HEATR1: variants seen among roughly 807,000 people sequenced by gnomAD.
HEATR1 encodes HEAT repeat containing 1.
A neutral mutation model predicts 248.2 loss-of-function variants in HEATR1; 77 were observed. That is an observed-to-expected ratio of 0.31 (90% confidence interval 0.26 to 0.37). The LOEUF (loss-of-function observed/expected upper bound fraction) is 0.37. HEATR1 is among the 10% of genes least tolerant of loss of function. HEATR1 has a pLI of 1.00. For missense variants in HEATR1, 2,420 were observed against 2,504.9 expected (o/e 0.97, Z 0.72); for synonymous variants, 897 against 923.1 (o/e 0.97, Z 0.51).
intron 20 of HEATR1, among the ~76,000 whole-genome samples, chr1:236,579,369 C>T (rs1040621356): frequency 5.9e-5 from 9 of 152,220 alleles, no homozygotes; most frequent in African/African-American, 2.2e-4. Flanking sequence ...TTGCTATTTA[C>T]AGTCAAAATG....
chr1:236,595,159 A>G (rs1558191948), intron 8 of HEATR1, among the ~76,000 whole-genome samples: 1 of 152,130 alleles, frequency 6.6e-6, no homozygotes, highest in Non-Finnish European at 1.5e-5. Flanking sequence ...TAGGGAAAAA[A>G]CTTTTTTGGC....
intron 6 of HEATR1, among the ~76,000 whole-genome samples, chr1:236,596,620 A>T (rs1288235480): frequency 6.6e-6 from 1 of 152,226 alleles, no homozygotes; most frequent in East Asian, 1.9e-4. Context: ...CCGCAGGACC[A>T]GACAGCCAAT....
At position 236,566,061 on chromosome 1, in the gene HEATR1, A is replaced by G. The variant is rs562030993; in HGVS notation, c.4309-16T>C. 3.1e-6 allele frequency: 5 copies of G among 1,609,042 alleles called. No homozygotes were observed. The South Asian group carries it at 4.4e-5, about 14-fold the overall frequency. Reference sequence around the variant, plus strand: ...AAATAGCATCCTGTGTAGAAAAAGAAAAAGGTAACAAATCTGTACTTAGGA... The same window carrying G: ...AAATAGCATCCTGTGTAGAAAAAGAGAAAGGTAACAAATCTGTACTTAGGA... On this transcript the variant is annotated splice_polypyrimidine_tract_variant and intron_variant, in intron 30 of 44. Transcript: ENST00000366582.
rs531433512 is a variant in HEATR1, at chr1:236,555,615, A to G, written c.5690T>C (p.Ile1897Thr). 7 of 1,614,260 alleles carry G rather than the reference A, an allele frequency of 4.3e-6. No homozygotes were observed. The highest frequency in any genetic ancestry group is 2.7e-5 in the African/African-American group (2 of 75,072). The change falls in exon 40 of 45, where the codon ATT (isoleucine) becomes ACT (threonine). Residue 1897 changes from isoleucine to threonine, a missense_variant. Physicochemically the swap from Ile to Thr is moderately conservative, Grantham distance 89 (BLOSUM62 -1). Coordinates refer to ENST00000366582, the MANE Select transcript of HEATR1 (RefSeq NM_018072.6). ...EEVGKTENCI[I>T]DCLVAMVVKL... ...GACAACCATGGCTACTAGACAGTCA[A>G]TGATACAATTTTCCGTTTTTCCAAC...
intron 26 of HEATR1, 125 bp from the exon 27 acceptor site, chr1:236,571,811 C>T (rs942687913): frequency 2.9e-6 from 2 of 689,378 alleles, no homozygotes; most frequent in Non-Finnish European, 5.1e-6. Context: ...AACTAAAATA[C>T]TATCATTAAA....
At chr1:236,586,692 G>A (rs913065890) in intron 14 of HEATR1, among the ~76,000 whole-genome samples, 3 of 151,664 alleles carry the variant, frequency 2.0e-5, no homozygotes, top group African/African-American at 7.3e-5. Flanking sequence ...GAGCCACTGT[G>A]CCTGGCCAAC....
chr1:236,595,777 C>A (rs1285867746), intron 7 of HEATR1, 56 bp downstream of exon 7: 1 of 1,517,010 alleles, frequency 6.6e-7, no homozygotes, highest in South Asian at 1.2e-5. Flanking sequence ...AAAAATTATT[C>A]AAAATAATTT....
Position 236,553,735 on chromosome 1 carries a change from T to C in HEATR1, c.6083A>G (p.Glu2028Gly). ...ALMMPLVDQL[E>G]NRLGGEEKFQ... Reference sequence around the variant, plus strand: ...TTTCTCTTCTCCCCCAAGCCTGTTTTCCAGCTAGGAAGAGTAAGACAAAGA... The same window carrying C: ...TTTCTCTTCTCCCCCAAGCCTGTTTCCCAGCTAGGAAGAGTAAGACAAAGA... Residue 2028 changes from glutamate to glycine, a missense_variant, in exon 43 of 45, where the codon GAA becomes GGA. Physicochemically the swap from Glu to Gly is moderately conservative, Grantham distance 98. Transcript: ENST00000366582. The C allele has an allele frequency of 1.2e-6, 2 of 1,612,162 alleles. No homozygotes were observed. Among genetic ancestry groups the C allele is most frequent in the Non-Finnish European group, 1.7e-6 (2 of 1,179,130 alleles).
chr1:236,574,033 T>G, intron 24 of HEATR1, 169 bp downstream of exon 24: 1 of 476,874 alleles, frequency 2.1e-6, no homozygotes, highest in Non-Finnish European at 3.6e-6. Context: ...TGGTAAAGAT[T>G]TAAAATTTTT....
In HEATR1 at chr1:236,555,472, G is replaced by A. The variant is rs767694146; in HGVS notation, c.5755-8C>T. 8.1e-6 allele frequency: 13 copies of A among 1,614,068 alleles called. No individual in the cohort carries two copies. In the South Asian group the frequency reaches 1.4e-4, roughly 18 times the overall value. On this transcript the variant is annotated splice_polypyrimidine_tract_variant and splice_region_variant and intron_variant, in intron 40 of 44. Coordinates refer to ENST00000366582, the MANE Select transcript of HEATR1 (RefSeq NM_018072.6). ...TTTAGCCCAATCAAACAGCTGAAAG[G>A]ATAAGACAGTATTAGTTTCTTCGAC...
At chr1:236,580,084 CTCTGA>C (rs1286299887) in intron 20 of HEATR1, among the ~76,000 whole-genome samples, 2 of 152,274 alleles carry the variant, frequency 1.3e-5, no homozygotes, top group Admixed American at 1.3e-4. Context: ...AACCATTCTT[CTCTGA>C]TCTAATTCTG....
chr1:236,586,216 C>A, intron 15 of HEATR1, 25 bp downstream of exon 15: 1 of 1,549,664 alleles, frequency 6.5e-7, no homozygotes, highest in Non-Finnish European at 8.8e-7. Context: ...TTCACTTTTT[C>A]TAAAAAAACA....
At chr1:236,582,675 T>C (rs1337630596) in intron 19 of HEATR1, 61 bp downstream of exon 19, 11 of 1,579,374 alleles carry the variant, frequency 7.0e-6, no homozygotes, top group Non-Finnish European at 9.6e-6. Context: ...AGTGCTGGGA[T>C]TGCAGGCCAG....
rs1663515727 is a variant in HEATR1, at chr1:236,574,569, T to C, written c.3327+92A>G. On this transcript the variant is annotated intron_variant, in intron 23 of 44. Transcript: ENST00000366582. Reference sequence around the variant, plus strand: ...GTAACTATCTTCTCCAAATAAAATATTAATCTTTTTTTTTTTAACGCTGTT... The same window carrying C: ...GTAACTATCTTCTCCAAATAAAATACTAATCTTTTTTTTTTTAACGCTGTT... The C allele has an allele frequency of 2.1e-6, 3 of 1,413,562 alleles. No individual in the cohort carries two copies. The Admixed American group carries it at 6.9e-5, about 32-fold the overall frequency. The allele number at this position is 1,413,562 out of a possible 1,614,324, so 87.6% of individuals were successfully genotyped here.
chr1:236,575,331 T>C (rs956771961), intron 22 of HEATR1, among the ~76,000 whole-genome samples: 4 of 152,214 alleles, frequency 2.6e-5, no homozygotes, highest in Admixed American at 2.6e-4. Context: ...CAGCAAATTA[T>C]GGCTTGCAGG....
chr1:236,587,873 C>T, intron 13 of HEATR1, 75 bp downstream of exon 13: 1 of 1,025,062 alleles, frequency 9.8e-7, no homozygotes, highest in Non-Finnish European at 1.5e-6. Context: ...ATTCTAGTCT[C>T]AAGCAGAGAA....
Position 236,551,982 on chromosome 1 carries a change from A to G in HEATR1, c.6346+17T>C. 6.9e-7 allele frequency: 1 copy of G among 1,458,810 alleles called. No individual in the cohort carries two copies. Among genetic ancestry groups the G allele is most frequent in the Non-Finnish European group, 9.6e-7 (1 of 1,040,870 alleles). The allele number at this position is 1,458,810 out of a possible 1,614,324, so 90.4% of individuals were successfully genotyped here. A position where few individuals can be genotyped will look rare whatever the true frequency, so the allele number is the denominator to read the frequency against. On this transcript the variant is annotated intron_variant, in intron 44 of 44. Coordinates refer to ENST00000366582, the MANE Select transcript of HEATR1 (RefSeq NM_018072.6). ...ATTCCTTAATTGTTTAATGGTTGGG[A>G]ATAGTTTGGGAATTACCTTCCATCA...
chr1:236,571,882 C>A (rs188992467), intron 26 of HEATR1, among the ~76,000 whole-genome samples, 196 bp from the exon 27 acceptor site: 2 of 152,198 alleles, frequency 1.3e-5, no homozygotes, highest in East Asian at 3.9e-4. Flanking sequence ...TATAGACAGG[C>A]GCTATGTCAA....
At chr1:236,555,695 T>C (rs1662950659) in intron 39 of HEATR1, 40 bp from the exon 40 acceptor site, 1 of 1,608,236 alleles carries the variant, frequency 6.2e-7, no homozygotes, top group East Asian at 2.2e-5. Flanking sequence ...TGCTGATACC[T>C]GACTGTAAAT....
Sources: gnomAD v4.1 joint callset for allele counts (sites outside exome capture counted in the v4.1 genomes callset) on GRCh38, gnomAD v4.1.1 for gene constraint, MANE v1.5 for transcripts, NCBI Gene and HGNC (gene_info 2026-07-23, HGNC 2026-07-21) for gene names.